The following DCC variants were observed in gnomAD, a reference collection of about 807,000 sequenced individuals.
DCC encodes the protein DCC netrin 1 receptor.
DCC carries 58 observed loss-of-function variants against 172.5 expected under a neutral mutation model. That is an observed-to-expected ratio of 0.34 (90% CI 0.27 to 0.42). The LOEUF (loss-of-function observed/expected upper bound fraction) is 0.42. Ranked by LOEUF, DCC falls within the 10% of genes least tolerant of loss-of-function variation. The probability of loss-of-function intolerance (pLI) is 1.00; values close to 1 mark genes in which losing one functional copy is unlikely to be tolerated. For synonymous variants in DCC, 709 were observed against 644.5 expected (o/e 1.10, Z -1.52); for missense variants, 1,740 against 1,791.0 (o/e 0.97, Z 0.51).
intron 1 of DCC, among the ~76,000 whole-genome samples, chr18:52,441,235 C>T (rs1004785790): frequency 2.6e-5 from 4 of 152,118 alleles, no homozygotes; most frequent in Admixed American, 6.5e-5. Context: ...GCAATTCTTA[C>T]AGCATGATAC....
At chr18:52,590,090 G>A (rs2033766026) in intron 1 of DCC, among the ~76,000 whole-genome samples, 1 of 152,116 alleles carries the variant, frequency 6.6e-6, no homozygotes, top group African/African-American at 2.4e-5. Flanking sequence ...AAAGTGAAAT[G>A]TGGAATTTTG....
rs189786070 is a variant in DCC, at chr18:52,739,308, C to T, written c.92-12746C>T. ...TAAACATATGTTATGATTTTTCTTT[C>T]ACTGATTGAAGAAATTTTTCCAAAT... is the stretch of plus-strand genomic sequence containing the variant. On this transcript the variant is annotated intron_variant, in intron 1 of 28. Transcript: ENST00000442544. Among the ~76,000 whole-genome samples the T allele has an allele frequency of 1.1e-3, 170 of 152,136 alleles. 1 individual carries two copies. The highest frequency in any genetic ancestry group is 3.4e-3 in the Middle Eastern group (1 of 294).
chr18:52,418,433 G>A (rs1444952496), intron 1 of DCC, among the ~76,000 whole-genome samples: 4 of 152,144 alleles, frequency 2.6e-5, no homozygotes, highest in African/African-American at 7.2e-5. Context: ...AGCAGGCAGG[G>A]TGGCTTTTCC....
At chr18:52,982,534 G>T (rs976279488) in intron 5 of DCC, among the ~76,000 whole-genome samples, 2 of 151,898 alleles carry the variant, frequency 1.3e-5, no homozygotes, top group Non-Finnish European at 1.5e-5. Flanking sequence ...AGTAACATTT[G>T]GGCCTGGATA....
intron 13 of DCC, among the ~76,000 whole-genome samples, chr18:53,312,007 C>T (rs1445878093): frequency 6.6e-6 from 1 of 152,050 alleles, no homozygotes; most frequent in Non-Finnish European, 1.5e-5. Context: ...GACAATAAAA[C>T]TTAAAGATTA....
At chr18:53,012,203 A>G (rs1173797145) in intron 5 of DCC, among the ~76,000 whole-genome samples, 1 of 151,990 alleles carries the variant, frequency 6.6e-6, no homozygotes, top group Non-Finnish European at 1.5e-5. Flanking sequence ...TCCTAGAGAT[A>G]CAAGTGCATC....
At chr18:52,964,060 T>C (rs989380440) in intron 5 of DCC, among the ~76,000 whole-genome samples, 1 of 152,084 alleles carries the variant, frequency 6.6e-6, no homozygotes, top group African/African-American at 2.4e-5. Flanking sequence ...TCTCTTGATA[T>C]GATATGATAA....
intron 1 of DCC, among the ~76,000 whole-genome samples, chr18:52,750,568 G>A (rs78132131): frequency 0.04 from 6,165 of 152,256 alleles, 199 homozygotes; most frequent in South Asian, 0.15. Flanking sequence ...GACAGTGAGC[G>A]ACACAAGACA....
At chr18:53,231,662 T>C (rs1035990189) in intron 12 of DCC, among the ~76,000 whole-genome samples, 14 of 152,096 alleles carry the variant, frequency 9.2e-5, no homozygotes. Flanking sequence ...GAAAATAATA[T>C]TTAAGGGAGT....
chr18:52,706,487 T>C (rs777206036), intron 1 of DCC, among the ~76,000 whole-genome samples: 4 of 152,228 alleles, frequency 2.6e-5, no homozygotes, highest in Non-Finnish European at 5.9e-5. Flanking sequence ...ATTGTTTCCT[T>C]TGACATTTTA....
chr18:52,610,221 A>ATG (rs2034244635), intron 1 of DCC, among the ~76,000 whole-genome samples: 7 of 88,460 alleles, frequency 7.9e-5, no homozygotes, highest in African/African-American at 2.9e-4. Context: ...ATATATATAT[A>ATG]TATATAAAAT....
chr18:53,480,329 G>A (rs922044768), intron 25 of DCC, among the ~76,000 whole-genome samples: 1 of 152,144 alleles, frequency 6.6e-6, no homozygotes, highest in South Asian at 2.1e-4. Flanking sequence ...CTTGGAAAGC[G>A]TGTATAAACC....
chr18:53,469,164 T>G (rs1304584689), intron 25 of DCC, among the ~76,000 whole-genome samples: 1 of 152,208 alleles, frequency 6.6e-6, no homozygotes, highest in Non-Finnish European at 1.5e-5. Context: ...TCTGCAAGCT[T>G]AACTTAGGTT....
intron 1 of DCC, among the ~76,000 whole-genome samples, chr18:52,542,371 T>C (rs2032485178): frequency 6.6e-6 from 1 of 152,150 alleles, no homozygotes; most frequent in African/African-American, 2.4e-5. Context: ...TCAGCAAAAG[T>C]AATTTAAATT....
At position 52,752,202 on chromosome 18, in the gene DCC, T is replaced by C. The variant is rs756966505; in HGVS notation, c.240T>C (p.His80=). Residue 80 remains histidine, a synonymous_variant, in exon 2 of 29, where the codon CAT becomes CAC. Coordinates refer to ENST00000442544, the MANE Select transcript of DCC (RefSeq NM_005215.4). ...TCAAGTGGAAGAAAGATGGCATTCA[T>C]CTGGCCTTGGGAATGGATGAAAGGA... ...PVIKWKKDGI[H]LALGMDERKQ... is the part of the protein sequence containing the mutation. The C allele has an allele frequency of 1.2e-6, 2 of 1,614,174 alleles. No individual in the cohort carries two copies. The highest frequency in any genetic ancestry group is 2.7e-5 in the African/African-American group (2 of 75,050).
intron 20 of DCC, among the ~76,000 whole-genome samples, chr18:53,413,716 G>A (rs1363342353): frequency 1.3e-5 from 2 of 152,204 alleles, no homozygotes; most frequent in Middle Eastern, 3.2e-3. Flanking sequence ...AAGGGTGGTA[G>A]TCTCGTCTTT....
At chr18:53,153,724 T>C (rs1234757812) in intron 7 of DCC, among the ~76,000 whole-genome samples, 1 of 152,170 alleles carries the variant, frequency 6.6e-6, no homozygotes, top group African/African-American at 2.4e-5. Flanking sequence ...ACACCTCAAC[T>C]AAACCAAGAG....
intron 15 of DCC, among the ~76,000 whole-genome samples, chr18:53,384,134 C>T (rs1361922575): frequency 6.6e-6 from 1 of 152,034 alleles, no homozygotes; most frequent in Non-Finnish European, 1.5e-5. Context: ...ATGCCTAAAG[C>T]TCATTTACTA....
intron 17 of DCC, 79 bp from the exon 18 acceptor site, chr18:53,397,229 A>G: frequency 7.4e-7 from 1 of 1,350,198 alleles, no homozygotes; most frequent in Non-Finnish European, 1.1e-6. Flanking sequence ...TAGCTTATTT[A>G]ATAGTCTTTT....
Sources: allele counts gnomAD v4.1 joint callset (sites outside exome capture counted in the v4.1 genomes callset), GRCh38; gene constraint gnomAD v4.1.1; transcripts MANE v1.5; gene names NCBI Gene and HGNC (gene_info 2026-07-23, HGNC 2026-07-21).